RABGEF1: variants seen among roughly 807,000 people sequenced by gnomAD.
The protein encoded by RABGEF1 is rab5 GDP/GTP exchange factor.
A neutral mutation model predicts 57.3 loss-of-function variants in RABGEF1; 26 were observed. That is an observed-to-expected ratio of 0.45 (90% CI 0.33 to 0.63). The LOEUF (loss-of-function observed/expected upper bound fraction) is 0.63. Ranked by LOEUF, RABGEF1 falls within the 20% of genes least tolerant of loss-of-function variation. The pLI, the probability that RABGEF1 is intolerant of heterozygous loss-of-function variation, is 0.02. For missense variants in RABGEF1, 464 were observed against 607.6 expected, an observed-to-expected ratio of 0.76 and a Z score of 2.48; for synonymous variants, 185 against 210.7, an observed-to-expected ratio of 0.88 and a Z score of 1.06.
chr7:66,760,034 G>A (rs1803867943), intron 1 of RABGEF1, among the ~76,000 whole-genome samples: 1 of 152,172 alleles, frequency 6.6e-6, no homozygotes, highest in East Asian at 1.9e-4. Flanking sequence ...ATCATATAGA[G>A]CATAGGGCTA....
chr7:66,761,676 A>G lies in RABGEF1; in HGVS notation c.-17-10207A>G, dbSNP rs146297971. The stretch of plus-strand genomic sequence containing the variant: ...GGGGAGGGTTTAAGACCAATCCAGA[A>G]TAGAGTCCTGCCTTGGGGCAGGTAA... On this transcript the variant is annotated intron_variant, in intron 1 of 8. Transcript: ENST00000284957. Among the ~76,000 whole-genome samples the G allele has an allele frequency of 1.2e-4, 18 of 152,318 alleles. No homozygotes were observed. The East Asian group carries it at 3.1e-3, about 26-fold the overall frequency.
chr7:66,680,261 T>C (rs1249296014), upstream of RABGEF1, among the ~76,000 whole-genome samples: 2 of 152,174 alleles, frequency 1.3e-5, no homozygotes, highest in Non-Finnish European at 2.9e-5. Context: ...ATTTTTTTTT[T>C]TTGAGACAGA....
In RABGEF1 at chr7:66,706,829, TG is replaced by T. The variant is rs1170814213; in HGVS notation, c.-872-5336del. Among the ~76,000 whole-genome samples, 2 of 147,198 alleles carry T rather than the reference TG, an allele frequency of 1.4e-5. 1 individual carries two copies. The highest frequency in any genetic ancestry group is 4.1e-4 in the East Asian group (2 of 4,834). ...GGGAGTCTTGCTCTGTCGCCCAGGC[TG>T]GACTGCAGTTTCGCGATCTCAGCTC... is the stretch of plus-strand genomic sequence containing the variant. On this transcript the variant is annotated intron_variant and NMD_transcript_variant, in intron 1 of 9. Transcript: ENST00000607882.
chr7:66,679,757 C>T (rs2116990577), upstream of RABGEF1, among the ~76,000 whole-genome samples: 1 of 152,284 alleles, frequency 6.6e-6, no homozygotes, highest in Admixed American at 6.5e-5. Flanking sequence ...GGGCCAGGGG[C>T]CTAAACTCAT....
At chr7:66,778,276 G>GACAAATACAAAATAC (rs752591160) in intron 3 of RABGEF1, among the ~76,000 whole-genome samples, 2,225 of 152,272 alleles carry the variant, frequency 0.015, 61 homozygotes, top group East Asian at 0.094. Context: ...ATACGTAGCA[G>GACAAATACAAAATAC]CTTGGTAGCA....
intron 1 of RABGEF1, among the ~76,000 whole-genome samples, chr7:66,699,653 C>T (rs894855997): frequency 1.3e-5 from 2 of 151,344 alleles, no homozygotes; most frequent in Non-Finnish European, 2.9e-5. Context: ...GATCGTGCCA[C>T]TGCACTCCAA....
chr7:66,678,852 C>T (rs759343452), upstream of RABGEF1, among the ~76,000 whole-genome samples: 2 of 152,150 alleles, frequency 1.3e-5, no homozygotes, highest in Non-Finnish European at 2.9e-5. Context: ...CTGAGGTAGT[C>T]AGTGTTTTCA....
intron 1 of RABGEF1, among the ~76,000 whole-genome samples, chr7:66,749,879 C>G (rs988772824): frequency 1.3e-5 from 2 of 152,168 alleles, no homozygotes; most frequent in African/African-American, 2.4e-5. Context: ...GAGGCTGAAG[C>G]AGGAGAATCG....
At chr7:66,668,316 C>T in the RABGEF1 span, among the ~76,000 whole-genome samples, 2 of 152,180 alleles carry the variant, frequency 1.3e-5, no homozygotes, top group South Asian at 2.1e-4. Flanking sequence ...AGGCTGATCT[C>T]GAACTCCTGG....
At chr7:66,698,651 G>A (rs754619667) in intron 1 of RABGEF1, among the ~76,000 whole-genome samples, 5 of 152,098 alleles carry the variant, frequency 3.3e-5, no homozygotes, top group African/African-American at 4.8e-5. Context: ...GCAAGGCTGC[G>A]GTGATCCCCT....
intron 1 of RABGEF1, among the ~76,000 whole-genome samples, chr7:66,750,143 T>C (rs1197353506): frequency 2.0e-5 from 3 of 152,176 alleles, no homozygotes; most frequent in Non-Finnish European, 2.9e-5. Context: ...GAATGTAGAT[T>C]TTGTCTGATG....
chr7:66,751,419 A>G (rs1350262156), intron 1 of RABGEF1, among the ~76,000 whole-genome samples: 2 of 152,164 alleles, frequency 1.3e-5, no homozygotes, highest in Non-Finnish European at 2.9e-5. Context: ...ATCTGTTTCT[A>G]TTATCTGCGT....
chr7:66,663,067 T>A, the RABGEF1 span, among the ~76,000 whole-genome samples: 73 of 152,316 alleles, frequency 4.8e-4, 1 homozygote, highest in Non-Finnish European at 3.8e-4. Flanking sequence ...GAAAACCGCT[T>A]AAAGGCATTC....
At chr7:66,717,975 T>A (rs1194868290) in intron 2 of RABGEF1, among the ~76,000 whole-genome samples, 1 of 152,242 alleles carries the variant, frequency 6.6e-6, no homozygotes, top group South Asian at 2.1e-4. Flanking sequence ...CTAAAATATC[T>A]ATTTGGTTCT....
rs181161033 is a variant in RABGEF1, at chr7:66,774,852, A to C, written c.180-375A>C. On this transcript the variant is annotated intron_variant, in intron 2 of 8. Transcript: ENST00000284957. ...CTCGTCAGACTCCCCCAGCAGATTG[A>C]GTTGTTCTTTCCTGTGTTCTCACAG... is the stretch of plus-strand genomic sequence containing the variant. Among the ~76,000 whole-genome samples, 676 of 152,256 alleles carry C rather than the reference A, an allele frequency of 4.4e-3. 2 individuals are homozygous for C. Among genetic ancestry groups the C allele is most frequent in the Non-Finnish European group, 6.7e-3 (456 of 68,012 alleles).
At chr7:66,724,686 C>CT (rs1424503221) in intron 2 of RABGEF1, among the ~76,000 whole-genome samples, 5 of 152,042 alleles carry the variant, frequency 3.3e-5, no homozygotes, top group African/African-American at 9.7e-5. Context: ...TCTTGGAGCT[C>CT]TTTGAGTTTC....
Position 66,809,139 on chromosome 7 carries a change from G to A in RABGEF1, c.1331G>A (p.Gly444Glu). Reference protein sequence around the residue: ...LEKDLIDWTDGIAREVQDIVE... With the variant: ...LEKDLIDWTDEIAREVQDIVE... ...AAAGACCTCATAGATTGGACAGATG[G>A]AATTGCAAGAGAAGTTCAAGACATC... The change falls in exon 9 of 9, where the codon GGA (glycine) becomes GAA (glutamate). Residue 444 changes from glycine (G) to glutamate (E), a missense_variant. Gly to Glu is a moderately conservative substitution (Grantham distance 98). This residue lies in a region of RABGEF1 where 151 missense variants were observed against 152.2 expected (regional missense o/e 0.99). Coordinates refer to ENST00000284957, the MANE Select transcript of RABGEF1 (RefSeq NM_014504.3). 3.7e-6 allele frequency: 6 copies of A among 1,614,208 alleles called. No homozygotes were observed. The highest frequency in any genetic ancestry group is 4.2e-6 in the Non-Finnish European group (5 of 1,180,040).
intron 1 of RABGEF1, among the ~76,000 whole-genome samples, chr7:66,695,405 G>A (rs1430220406): frequency 1.3e-5 from 2 of 152,192 alleles, no homozygotes; most frequent in Non-Finnish European, 2.9e-5. Context: ...GGAAGGCTCT[G>A]GAAGAGAGGC....
intron 1 of RABGEF1, among the ~76,000 whole-genome samples, chr7:66,747,838 A>G (rs1439023646): frequency 6.6e-6 from 1 of 152,136 alleles, no homozygotes; most frequent in African/African-American, 2.4e-5. Context: ...TACTTATTCC[A>G]TTATTCCACA....
Sources: allele counts gnomAD v4.1 joint callset (sites outside exome capture counted in the v4.1 genomes callset), GRCh38; gene constraint gnomAD v4.1.1; regional missense constraint gnomAD v4.1.1; transcripts MANE v1.5; gene names NCBI Gene and HGNC (gene_info 2026-07-23, HGNC 2026-07-21).